Variants in ZNF85 observed in about 807,000 individuals in gnomAD.
ZNF85 encodes the protein zinc finger protein 85.
Under a neutral mutation model 53.9 loss-of-function variants are expected in ZNF85, and 50 were observed. The ratio of observed to expected loss-of-function variants is 0.93; its 90% CI spans 0.74 to 1.17. ZNF85 has a LOEUF of 1.17. Among genes scored for constraint, ZNF85 ranks in the 50% most tolerant of loss-of-function variants. The probability of loss-of-function intolerance (pLI) is 0.00; values close to 1 mark genes in which losing one functional copy is unlikely to be tolerated. For missense variants in ZNF85, 747 were observed against 688.5 expected (o/e 1.08, Z -0.95); for synonymous variants, 225 against 226.1 (o/e 1.00, Z 0.04).
At position 20,934,140 on chromosome 19, in the gene ZNF85, G is replaced by A; in HGVS notation, c.120G>A (p.Leu40=). The A allele has an allele frequency of 6.2e-7, 1 of 1,611,530 alleles. No homozygotes were observed. The highest frequency in any genetic ancestry group is 1.7e-5 in the Admixed American group (1 of 59,802). The change falls in exon 2 of 4, where the codon CTG becomes CTA. Residue 40 remains leucine, a synonymous_variant. Coordinates refer to ENST00000328178, the MANE Select transcript of ZNF85 (RefSeq NM_003429.5). The part of the protein sequence containing the change: ...RNVMLENYRN[L]VFLGITVSKP... ...TGATGTTAGAGAACTACAGAAACCT[G>A]GTCTTCCTGGGTGAGGATAACTTCA...
chr19:20,936,936 G>A (rs112963603), intron 3 of ZNF85: 1,815 of 153,818 alleles, frequency 0.012, 33 homozygotes, highest in African/African-American at 0.034. Context: ...CACATTTTAC[G>A]ATGAGCACAA....
chr19:20,934,887 T>C, intron 2 of ZNF85, 62 bp from the exon 3 acceptor site: 1 of 1,096,760 alleles, frequency 9.1e-7, no homozygotes. Flanking sequence ...GCTAAGCACA[T>C]TACTAGATTG....
intron 3 of ZNF85, 77 bp downstream of exon 3, chr19:20,935,124 A>G: frequency 1.1e-6 from 1 of 935,404 alleles, no homozygotes; most frequent in Admixed American, 2.6e-5. Flanking sequence ...AGTCCTTAAA[A>G]TGTGATTTAG....
In ZNF85 at chr19:20,934,947, AG is replaced by A. The variant is rs199642965; in HGVS notation, c.131del. 7.1e-4 allele frequency: 1,129 copies of A among 1,597,374 alleles called. 12 individuals are homozygous for A. The African/African-American group carries it at 0.013, about 19-fold the overall frequency. On this transcript the variant is annotated splice_acceptor_variant, in intron 2 of 3. Coordinates refer to ENST00000328178, the MANE Select transcript of ZNF85 (RefSeq NM_003429.5). LOFTEE classifies it high-confidence loss of function. ...TTATATTATTTATTTTTAATAAAAC[AG>A]GTATTACTGTTTCTAAGCCAGACCT...
intron 2 of ZNF85, among the ~76,000 whole-genome samples, chr19:20,934,652 C>G (rs538726023): frequency 6.6e-6 from 1 of 151,966 alleles, no homozygotes; most frequent in African/African-American, 2.4e-5. Flanking sequence ...ACCTGTAGTC[C>G]TGTAGTCCCA....
chr19:20,949,017 A>G lies in ZNF85; in HGVS notation c.503A>G (p.His168Arg), dbSNP rs1456408298. 6.2e-7 allele frequency: 1 copy of G among 1,613,796 alleles called. No individual in the cohort carries two copies. Among genetic ancestry groups the G allele is most frequent in the Non-Finnish European group, 8.5e-7 (1 of 1,179,808 alleles). ...FSNSNRHEIR[H>R]TKKKPFKCTK... ...AATTCAAACAGACATGAGATAAGAC[A>G]TACTAAAAAGAAACCTTTCAAATGT... The change falls in exon 4 of 4, where the codon CAT becomes CGT. Residue 168 changes from histidine to arginine, a missense_variant. Physicochemically the swap from His to Arg is conservative, Grantham distance 29. Transcript: ENST00000328178.
At chr19:20,946,406 G>A in intron 3 of ZNF85, 2 of 364,602 alleles carry the variant, frequency 5.5e-6, no homozygotes, top group South Asian at 4.5e-5. Flanking sequence ...GTTTTATATT[G>A]CCTTAAAGTT....
chr19:20,927,900 C>G (rs1266171326), intron 1 of ZNF85: 1 of 152,124 alleles, frequency 6.6e-6, no homozygotes, highest in Non-Finnish European at 1.5e-5. Flanking sequence ...AAAAGTGTTT[C>G]TTTTCATAAA....
chr19:20,930,628 A>G (rs1308011221), intron 1 of ZNF85, among the ~76,000 whole-genome samples: 1 of 152,224 alleles, frequency 6.6e-6, no homozygotes, highest in African/African-American at 2.4e-5. Flanking sequence ...TTTTGAGTAC[A>G]TAGTTCCTGC....
At chr19:20,946,592 A>ACC (rs1555794716) in intron 3 of ZNF85, among the ~76,000 whole-genome samples, 8 of 151,426 alleles carry the variant, frequency 5.3e-5, no homozygotes, top group African/African-American at 4.9e-5. Context: ...ACACACACAC[A>ACC]CCCCACAAAT....
intron 1 of ZNF85, chr19:20,928,035 G>T (rs545114165): frequency 2.0e-5 from 3 of 152,150 alleles, no homozygotes; most frequent in African/African-American, 7.2e-5. Context: ...GACTTCTTCT[G>T]GGTTGTATCT....
intron 1 of ZNF85, among the ~76,000 whole-genome samples, chr19:20,930,053 A>G (rs113580018): frequency 0.012 from 1,786 of 146,376 alleles, 35 homozygotes; most frequent in African/African-American, 0.035. Flanking sequence ...CCCAGGAGGC[A>G]GAGGTTACAG....
Position 20,950,315 on chromosome 19 carries a change from AG to A in ZNF85, c.*14del. 6.7e-7 allele frequency: 1 copy of A among 1,493,248 alleles called. No individual in the cohort carries two copies. The highest frequency in any genetic ancestry group is 1.4e-5 in the South Asian group (1 of 69,884). The allele number at this position is 1,493,248 out of a possible 1,614,324, so 92.5% of individuals were successfully genotyped here. On this transcript the variant is annotated 3_prime_UTR_variant, in exon 4 of 4. Coordinates refer to ENST00000328178, the MANE Select transcript of ZNF85 (RefSeq NM_003429.5). Reference sequence around the variant, plus strand: ...ATTACAAATATGAAAATTATGGCAAAGCTTTAATCAATTTACAAGTCTTACT... The same window carrying A: ...ATTACAAATATGAAAATTATGGCAAACTTTAATCAATTTACAAGTCTTACT...
chr19:20,936,145 A>C (rs902236344), intron 3 of ZNF85, among the ~76,000 whole-genome samples: 1 of 151,960 alleles, frequency 6.6e-6, no homozygotes, highest in African/African-American at 2.4e-5. Context: ...TTGTATGTTA[A>C]TTTTATACTT....
At chr19:20,934,003 G>A (rs558117644) in intron 1 of ZNF85, 21 bp from the exon 2 acceptor site, 244 of 1,566,402 alleles carry the variant, frequency 1.6e-4, no homozygotes, top group Admixed American at 9.2e-4. Flanking sequence ...GTGTGTATGT[G>A]TATGTGTGTG....
intron 1 of ZNF85, among the ~76,000 whole-genome samples, chr19:20,923,927 A>G (rs1346763697): frequency 6.6e-6 from 1 of 152,024 alleles, no homozygotes; most frequent in African/African-American, 2.4e-5. Flanking sequence ...ATTTTTAAAA[A>G]TACAAAAATT....
At chr19:20,931,458 A>G (rs1318942740) in intron 1 of ZNF85, among the ~76,000 whole-genome samples, 3 of 152,148 alleles carry the variant, frequency 2.0e-5, no homozygotes, top group East Asian at 1.9e-4. Flanking sequence ...GAAGTGCCTC[A>G]TGTGACTCTT....
chr19:20,939,870 T>C (rs1024102605), intron 3 of ZNF85, among the ~76,000 whole-genome samples: 1 of 152,046 alleles, frequency 6.6e-6, no homozygotes, highest in Non-Finnish European at 1.5e-5. Flanking sequence ...GGTAATTTTG[T>C]ATTTTTAGTA....
rs1555795546 is a variant in ZNF85, at chr19:20,950,675, T to C, written c.*373T>C. On this transcript the variant is annotated 3_prime_UTR_variant, in exon 4 of 4. Coordinates refer to ENST00000328178, the MANE Select transcript of ZNF85 (RefSeq NM_003429.5). Reference sequence around the variant, plus strand: ...ATCTTACTCAGCATCAGAAAGTACTTAATAAAAGCATTATAAATGGAATTA... The same window carrying C: ...ATCTTACTCAGCATCAGAAAGTACTCAATAAAAGCATTATAAATGGAATTA... 8 of 165,774 alleles carry C rather than the reference T, an allele frequency of 4.8e-5. No homozygotes were observed. The highest frequency in any genetic ancestry group is 1.3e-5 in the Non-Finnish European group (1 of 77,674). 10.3% of individuals were successfully genotyped at this position (165,774 alleles called of 1,614,324 possible).
Sources: allele counts gnomAD v4.1 joint callset (sites outside exome capture counted in the v4.1 genomes callset), GRCh38; gene constraint gnomAD v4.1.1; transcripts MANE v1.5; gene names NCBI Gene and HGNC (gene_info 2026-07-23, HGNC 2026-07-21).